The following MORC3 variants were observed in gnomAD, a reference collection of about 807,000 sequenced individuals.
The protein encoded by MORC3 is MORC family CW-type zinc finger protein 3.
MORC3 carries 31 observed loss-of-function variants against 109.1 expected under a neutral mutation model. The observed-to-expected ratio is 0.28, with a 90% confidence interval of 0.21 to 0.38. The LOEUF (loss-of-function observed/expected upper bound fraction) is 0.38, where lower values mean the gene tolerates loss of function less well. MORC3 is among the 10% of genes least tolerant of loss of function. MORC3 has a pLI of 1.00. For synonymous variants in MORC3, 395 were observed against 380.7 expected (o/e 1.04, Z -0.44); for missense variants, 867 against 1,135.8 (o/e 0.76, Z 3.40).
intron 8 of MORC3, among the ~76,000 whole-genome samples, chr21:36,345,710 G>T (rs566565690): frequency 6.6e-6 from 1 of 152,020 alleles, no homozygotes; most frequent in Admixed American, 6.6e-5. Context: ...GTGTGCCACC[G>T]CACTCGGCCA....
intron 14 of MORC3, among the ~76,000 whole-genome samples, chr21:36,365,559 A>G (rs2085771012): frequency 1.3e-5 from 2 of 152,140 alleles, no homozygotes; most frequent in South Asian, 2.1e-4. Flanking sequence ...CAAAGAGGGC[A>G]TATTCTAGAA....
chr21:36,337,698 T>C (rs1460141360), intron 3 of MORC3, 34 bp from the exon 4 acceptor site: 2 of 1,306,288 alleles, frequency 1.5e-6, no homozygotes, highest in Admixed American at 4.4e-5. Flanking sequence ...TGATTATAGG[T>C]ATTTATTTTT....
chr21:36,341,205 G>A (rs371325017), intron 5 of MORC3, among the ~76,000 whole-genome samples, 194 bp from the exon 6 acceptor site: 3 of 152,270 alleles, frequency 2.0e-5, no homozygotes, highest in African/African-American at 7.2e-5. Flanking sequence ...CAGTGTATGA[G>A]TGTTACAGTT....
At chr21:36,320,428 C>T in intron 1 of MORC3, 125 bp downstream of exon 1, 2 of 969,374 alleles carry the variant, frequency 2.1e-6, no homozygotes. Flanking sequence ...GCGGCGGGGC[C>T]CGGGGAGGGG....
intron 2 of MORC3, among the ~76,000 whole-genome samples, chr21:36,335,729 A>G (rs1263412452): frequency 1.3e-5 from 2 of 152,246 alleles, no homozygotes; most frequent in African/African-American, 4.8e-5. Context: ...AAAAGCCACC[A>G]GAAACTTGGT....
chr21:36,322,477 T>C (rs905431169), intron 1 of MORC3, among the ~76,000 whole-genome samples: 1 of 152,170 alleles, frequency 6.6e-6, no homozygotes, highest in African/African-American at 2.4e-5. Flanking sequence ...ATTCAAGCAC[T>C]TCTTCTGCCT....
At chr21:36,324,071 C>G (rs965763451) in intron 1 of MORC3, among the ~76,000 whole-genome samples, 6 of 151,922 alleles carry the variant, frequency 3.9e-5, no homozygotes, top group Admixed American at 6.6e-5. Flanking sequence ...GATGGGGTTT[C>G]TCCATGTTGG....
intron 15 of MORC3, among the ~76,000 whole-genome samples, chr21:36,371,683 C>G (rs1426947343): frequency 6.6e-6 from 1 of 152,122 alleles, no homozygotes; most frequent in African/African-American, 2.4e-5. Context: ...CAGGGACCAT[C>G]TGTTTATAAA....
chr21:36,325,988 C>G (rs1601506353), intron 1 of MORC3, among the ~76,000 whole-genome samples: 1 of 152,254 alleles, frequency 6.6e-6, no homozygotes, highest in Non-Finnish European at 1.5e-5. Flanking sequence ...AGGGGGATCA[C>G]TTGAGGTCAG....
chr21:36,339,133 T>A (rs2146301352), intron 5 of MORC3: 3 of 438,106 alleles, frequency 6.8e-6, no homozygotes, highest in Non-Finnish European at 1.1e-5. Context: ...AAAAATTTTT[T>A]TTTGAGACGA....
chr21:36,358,514 G>A (rs2085672872), intron 10 of MORC3, among the ~76,000 whole-genome samples: 1 of 152,104 alleles, frequency 6.6e-6, no homozygotes, highest in Admixed American at 6.6e-5. Flanking sequence ...CCTGCACTTT[G>A]GGAGGCCAAG....
rs2085830875 is a variant in MORC3, at chr21:36,369,662, G to T, written c.2294G>T (p.Ser765Ile). 1.2e-6 allele frequency: 2 copies of T among 1,614,060 alleles called. No individual in the cohort carries two copies. The highest frequency in any genetic ancestry group is 2.2e-5 in the South Asian group (2 of 91,086). The change falls in exon 15 of 17, where the codon AGT becomes ATT. Residue 765 changes from serine to isoleucine, a missense_variant. Around this residue, in one of 7 missense-constraint regions of MORC3, gnomAD observed 486 missense variants for 502.1 expected, o/e 0.97. Transcript: ENST00000400485. Reference protein sequence around the residue: ...LLESINGKSESPDHMVSQYQQ... With the variant: ...LLESINGKSEIPDHMVSQYQQ... Reference sequence around the variant, plus strand: ...GAAAGTATTAATGGCAAATCTGAAAGTCCAGACCATATGGTATCTCAGTAT... The same window carrying T: ...GAAAGTATTAATGGCAAATCTGAAATTCCAGACCATATGGTATCTCAGTAT...
At chr21:36,371,843 C>T (rs1383103592) in intron 15 of MORC3, among the ~76,000 whole-genome samples, 4 of 141,866 alleles carry the variant, frequency 2.8e-5, no homozygotes, top group Admixed American at 7.1e-5. Context: ...GATGGAACTT[C>T]GCTCTTGTTG....
Position 36,338,815 on chromosome 21 carries a change from G to T in MORC3, c.502G>T (p.Ala168Ser), listed in dbSNP as rs1383834775. Residue 168 changes from alanine to serine, a missense_variant, in exon 5 of 17, where the codon GCA becomes TCA. Coordinates refer to ENST00000400485, the MANE Select transcript of MORC3 (RefSeq NM_015358.3). ...AGCAGAATCAAAAGCCAGCCTTGCTGCAATTCTGGAACATTCTCTGTTTTC... is the reference window on the plus strand; with the variant it reads ...AGCAGAATCAAAAGCCAGCCTTGCTTCAATTCTGGAACATTCTCTGTTTTC... ...NLAESKASLA[A>S]ILEHSLFSTE... 1 of 1,613,918 alleles carries T rather than the reference G, an allele frequency of 6.2e-7. No homozygotes were observed. Among genetic ancestry groups the T allele is most frequent in the Non-Finnish European group, 8.5e-7 (1 of 1,179,848 alleles).
chr21:36,353,094 C>G (rs1309419205), intron 9 of MORC3, among the ~76,000 whole-genome samples: 1 of 151,956 alleles, frequency 6.6e-6, no homozygotes, highest in East Asian at 1.9e-4. Flanking sequence ...CATGGTGGCT[C>G]ACGCCTGTAA....
intron 4 of MORC3, 93 bp from the exon 5 acceptor site, chr21:36,338,681 T>A: frequency 8.3e-7 from 1 of 1,201,058 alleles, no homozygotes; most frequent in Admixed American, 2.5e-5. Context: ...TATTTATAAA[T>A]AGTTTTTCTG....
At chr21:36,334,467 ATTTG>A (rs1569091027) in intron 2 of MORC3, among the ~76,000 whole-genome samples, 3 of 151,986 alleles carry the variant, frequency 2.0e-5, no homozygotes, top group East Asian at 3.9e-4. Context: ...ATTATGGGGA[ATTTG>A]TTTGCTTATT....
chr21:36,349,393 A>G lies in MORC3; in HGVS notation c.1088A>G (p.Tyr363Cys), dbSNP rs1412229017. ...ACTCATAATAAACAAGATTTCGACT[A>G]TACTAATGAGTACAGGTATGTTACC... ...KPTHNKQDFD[Y>C]TNEYRLTITA... is the part of the protein sequence containing the mutation. Residue 363 changes from tyrosine (Y) to cysteine (C), a missense_variant, in exon 9 of 17, where the codon TAT (tyrosine) becomes TGT (cysteine). Transcript: ENST00000400485. 1 of 1,602,026 alleles carries G rather than the reference A, an allele frequency of 6.2e-7. No individual in the cohort carries two copies. The highest frequency in any genetic ancestry group is 8.5e-7 in the Non-Finnish European group (1 of 1,172,534).
chr21:36,323,216 T>C (rs2085211682), intron 1 of MORC3, among the ~76,000 whole-genome samples: 1 of 152,142 alleles, frequency 6.6e-6, no homozygotes, highest in Non-Finnish European at 1.5e-5. Flanking sequence ...TGTGTCTCCA[T>C]CTCACATATC....
Sources: allele counts gnomAD v4.1 joint callset (sites outside exome capture counted in the v4.1 genomes callset), GRCh38; gene constraint gnomAD v4.1.1; regional missense constraint gnomAD v4.1.1; transcripts MANE v1.5; gene names NCBI Gene and HGNC (gene_info 2026-07-23, HGNC 2026-07-21).